The following CPPED1 variants were observed in gnomAD, a reference collection of about 807,000 sequenced individuals.
The protein encoded by CPPED1 is serine/threonine-protein phosphatase CPPED1.
CPPED1 carries 28 observed loss-of-function variants against 28.0 expected under a neutral mutation model. The ratio of observed to expected loss-of-function variants is 1.00; its 90% confidence interval spans 0.74 to 1.37. CPPED1 has a LOEUF of 1.37. Ranked by LOEUF, CPPED1 falls within the 40% of genes most tolerant of loss-of-function variation. The pLI is 0.00. For synonymous variants in CPPED1, 198 were observed against 180.2 expected (o/e 1.10, Z -0.79); for missense variants, 504 against 416.5 (o/e 1.21, Z -1.83).
At position 12,781,077 on chromosome 16, in the gene CPPED1, C is replaced by A. The variant is rs1007889387; in HGVS notation, c.289+108G>T. The A allele has an allele frequency of 6.0e-5, 53 of 881,734 alleles. No homozygotes were observed. In the African/African-American group the frequency reaches 7.8e-4, roughly 13 times the overall value. The allele number at this position is 881,734 out of a possible 1,614,324, so 54.6% of individuals were successfully genotyped here. On this transcript the variant is annotated intron_variant, in intron 2 of 3. Transcript: ENST00000381774. ...ACAATCATGAAGCGAAAGAACGGTCCATGACTGAGCAAAGATGCCTTCGAA... is the reference window on the plus strand; with the variant it reads ...ACAATCATGAAGCGAAAGAACGGTCAATGACTGAGCAAAGATGCCTTCGAA...
chr16:12,792,952 T>C (rs1366978833), intron 1 of CPPED1, among the ~76,000 whole-genome samples: 1 of 152,088 alleles, frequency 6.6e-6, no homozygotes, highest in Non-Finnish European at 1.5e-5. Context: ...CTCTTTCTGG[T>C]ATACGCTCTC....
At chr16:12,730,468 GT>G (rs2080191626) in intron 2 of CPPED1, among the ~76,000 whole-genome samples, 2 of 152,146 alleles carry the variant, frequency 1.3e-5, no homozygotes, top group Admixed American at 6.5e-5. Context: ...GAGGGTGTTG[GT>G]CTATTAAAAG....
chr16:12,660,698 C>T lies in CPPED1; in HGVS notation c.*4188G>A, dbSNP rs975472429. The T allele has an allele frequency of 1.3e-5, 2 of 152,196 alleles. No homozygotes were observed. The highest frequency in any genetic ancestry group is 1.5e-5 in the Non-Finnish European group (1 of 68,018). The allele number at this position is 152,196 out of a possible 1,614,324, so 9.4% of individuals were successfully genotyped here. A position where few individuals can be genotyped will look rare whatever the true frequency, so the allele number is the denominator to read the frequency against. On this transcript the variant is annotated 3_prime_UTR_variant, in exon 4 of 4. Transcript: ENST00000381774. ...GATGTCTATTACAGAAAGCTTTTAA[C>T]AGAACTTGCCTTGGCAATTTACTCC...
intron 2 of CPPED1, among the ~76,000 whole-genome samples, chr16:12,732,350 G>GA (rs34848941): frequency 0.56 from 79,688 of 141,060 alleles, 22,276 homozygotes; most frequent in Admixed American, 0.63. Context: ...GCAAGGAAGT[G>GA]AAAAAAAAAA....
At chr16:12,756,494 C>T (rs972854014) in intron 2 of CPPED1, among the ~76,000 whole-genome samples, 1 of 152,092 alleles carries the variant, frequency 6.6e-6, no homozygotes, top group East Asian at 1.9e-4. Context: ...CAGTTCGAGA[C>T]CAGCTGGCTA....
At chr16:12,666,997 G>T (rs954468973) in intron 3 of CPPED1, among the ~76,000 whole-genome samples, 7 of 151,702 alleles carry the variant, frequency 4.6e-5, no homozygotes, top group Non-Finnish European at 8.8e-5. Flanking sequence ...GAACTGAAAT[G>T]ACTTCCCCGA....
chr16:12,704,882 A>G lies in CPPED1; in HGVS notation c.457T>C (p.Phe153Leu), dbSNP rs747590104. 2.5e-6 allele frequency: 4 copies of G among 1,614,082 alleles called. No homozygotes were observed. The African/African-American group carries it at 4.0e-5, about 16-fold the overall frequency. The change falls in exon 3 of 4, where the codon TTC becomes CTC. Residue 153 changes from phenylalanine (F) to leucine (L), a missense_variant. Coordinates refer to ENST00000381774, the MANE Select transcript of CPPED1 (RefSeq NM_018340.3). ...AGGAACAGGACGCCCCCGACCCAGA[A>G]GCTGAAGTAGTCATCTCCCCAAGTC... ...CRTWGDDYFS[F>L]WVGGVLFLVL... is the part of the protein sequence containing the mutation.
At chr16:12,801,067 A>G (rs1212239741) in intron 1 of CPPED1, among the ~76,000 whole-genome samples, 1 of 152,140 alleles carries the variant, frequency 6.6e-6, no homozygotes, top group Non-Finnish European at 1.5e-5. Context: ...CAATAGGAAT[A>G]TAAGAAATAT....
intron 3 of CPPED1, among the ~76,000 whole-genome samples, chr16:12,683,586 G>C (rs376535742): frequency 3.3e-4 from 50 of 152,174 alleles, no homozygotes; most frequent in African/African-American, 1.1e-3. Flanking sequence ...ACCCCTCCTC[G>C]TGTGGGTTTA....
At chr16:12,722,220 C>G (rs1194704009) in intron 2 of CPPED1, among the ~76,000 whole-genome samples, 4 of 152,166 alleles carry the variant, frequency 2.6e-5, no homozygotes, top group East Asian at 1.9e-4. Flanking sequence ...ACTAATGGAG[C>G]CTTTTACTCA....
rs1318804039 is a variant in CPPED1 at position 12,784,035 on chromosome 16, G to C, written c.71-2632C>G. ...CATCCCTGTGCAACACCCTCCCTTT[G>C]AGTGTGGGCTGCAACTTGCTTCTAA... On this transcript the variant is annotated intron_variant, in intron 1 of 3. Transcript: ENST00000381774. Among the ~76,000 whole-genome samples the C allele has an allele frequency of 3.9e-5, 6 of 152,312 alleles. No individual in the cohort carries two copies. In the South Asian group the frequency reaches 1.2e-3, roughly 32 times the overall value.
rs139459130 is a variant in CPPED1 at position 12,736,055 on chromosome 16, T to C, written c.290-31006A>G. Among the ~76,000 whole-genome samples the C allele has an allele frequency of 2.0e-5, 3 of 152,158 alleles. No homozygotes were observed. In the East Asian group the frequency reaches 5.8e-4, roughly 30 times the overall value. On this transcript the variant is annotated intron_variant, in intron 2 of 3. Coordinates refer to ENST00000381774, the MANE Select transcript of CPPED1 (RefSeq NM_018340.3). ...CCTGGGCCCTGGAGCCTGACGGAGC[T>C]TGGTGCCTGGCACTTCTGTATTCTG... is the stretch of plus-strand genomic sequence containing the variant.
In CPPED1 at chr16:12,662,328, T is replaced by A. The variant is rs1450086259; in HGVS notation, c.*2558A>T. The A allele has an allele frequency of 6.6e-5, 10 of 152,336 alleles. No homozygotes were observed. The East Asian group carries it at 1.7e-3, about 26-fold the overall frequency. The allele number at this position is 152,336 out of a possible 1,614,324, so 9.4% of individuals were successfully genotyped here. On this transcript the variant is annotated 3_prime_UTR_variant, in exon 4 of 4. Coordinates refer to ENST00000381774, the MANE Select transcript of CPPED1 (RefSeq NM_018340.3). ...TGCTGAACCTCTTGCCTCTGGGAAA[T>A]ACTGCTGTTTGCTTACTTAAAAAGT... is the stretch of plus-strand genomic sequence containing the variant.
At chr16:12,801,241 G>A (rs1049139663) in intron 1 of CPPED1, among the ~76,000 whole-genome samples, 3 of 152,096 alleles carry the variant, frequency 2.0e-5, no homozygotes, top group African/African-American at 7.2e-5. Context: ...CTACAGGCAT[G>A]TGCCACCACA....
At chr16:12,734,078 TTTTTTTTTTTG>T (rs1001108193) in intron 2 of CPPED1, among the ~76,000 whole-genome samples, 1 of 133,470 alleles carries the variant, frequency 7.5e-6, no homozygotes. Context: ...TTTTTTTTTT[TTTTTTTTTTTG>T]AGACGAGTCA....
At chr16:12,767,301 A>T (rs2080445207) in intron 2 of CPPED1, among the ~76,000 whole-genome samples, 1 of 152,084 alleles carries the variant, frequency 6.6e-6, no homozygotes, top group Non-Finnish European at 1.5e-5. Context: ...ACAGGAGGCA[A>T]ATTCATCTTT....
chr16:12,761,828 T>G (rs1345407009), intron 2 of CPPED1, among the ~76,000 whole-genome samples: 1 of 152,088 alleles, frequency 6.6e-6, no homozygotes, highest in Non-Finnish European at 1.5e-5. Context: ...TTGGCCAACA[T>G]GGCAAAACCT....
chr16:12,705,085 G>A lies in CPPED1; in HGVS notation c.290-36C>T, dbSNP rs567085421. On this transcript the variant is annotated intron_variant, in intron 2 of 3. Transcript: ENST00000381774. The stretch of plus-strand genomic sequence containing the variant: ...GAGGGTCACGTCCTGAGAAAGCCAG[G>A]GGCTTATTCACTTGAAATAACTAAC... The A allele has an allele frequency of 5.2e-6, 8 of 1,548,018 alleles. No homozygotes were observed. The South Asian group carries it at 8.6e-5, about 17-fold the overall frequency.
At chr16:12,792,878 A>G (rs2080605116) in intron 1 of CPPED1, among the ~76,000 whole-genome samples, 1 of 152,040 alleles carries the variant, frequency 6.6e-6, no homozygotes, top group Non-Finnish European at 1.5e-5. Flanking sequence ...TTTCCTTTAT[A>G]AATTACCCAG....
Sources: gnomAD v4.1 joint callset for allele counts (sites outside exome capture counted in the v4.1 genomes callset) on GRCh38, gnomAD v4.1.1 for gene constraint, MANE v1.5 for transcripts, NCBI Gene and HGNC (gene_info 2026-07-23, HGNC 2026-07-21) for gene names.